HCRTR2: variants seen among roughly 807,000 people sequenced by gnomAD.
The protein encoded by HCRTR2 is orexin receptor type 2.
A neutral mutation model predicts 49.0 loss-of-function variants in HCRTR2; 22 were observed. The observed-to-expected ratio is 0.45, with a 90% CI of 0.32 to 0.64. The LOEUF is 0.64. HCRTR2 is among the 30% of genes least tolerant of loss of function. The probability of loss-of-function intolerance (pLI) is 0.04; values close to 1 mark genes in which losing one functional copy is unlikely to be tolerated. For synonymous variants in HCRTR2, 236 were observed against 205.3 expected, an observed-to-expected ratio of 1.15 and a Z score of -1.28; for missense variants, 491 against 559.4, an observed-to-expected ratio of 0.88 and a Z score of 1.23.
intron 1 of HCRTR2, among the ~76,000 whole-genome samples, chr6:55,159,448 A>G (rs961534055): frequency 6.6e-6 from 1 of 152,176 alleles, no homozygotes; most frequent in African/African-American, 2.4e-5. Context: ...AAGGATCACA[A>G]TTCCTCACCA....
At chr6:55,253,108 T>C (rs1381958069) in intron 2 of HCRTR2, among the ~76,000 whole-genome samples, 1 of 151,976 alleles carries the variant, frequency 6.6e-6, no homozygotes, top group African/African-American at 2.4e-5. Flanking sequence ...CAGACTCGAT[T>C]CCAGCTATAC....
At chr6:55,131,046 G>A (rs975834553) in intron 1 of HCRTR2, among the ~76,000 whole-genome samples, 2 of 151,786 alleles carry the variant, frequency 1.3e-5, no homozygotes, top group African/African-American at 4.8e-5. Flanking sequence ...TTCAGTAAGA[G>A]TGAGGTTGAC....
chr6:55,144,298 T>C (rs557038106), intron 1 of HCRTR2, among the ~76,000 whole-genome samples: 2 of 151,872 alleles, frequency 1.3e-5, no homozygotes, highest in South Asian at 4.1e-4. Context: ...TTTTTTTTAG[T>C]AGGGACGGGG....
intron 1 of HCRTR2, among the ~76,000 whole-genome samples, chr6:55,175,480 A>C (rs1419232072): frequency 6.6e-6 from 1 of 152,032 alleles, no homozygotes; most frequent in East Asian, 1.9e-4. Flanking sequence ...TCATCCATCC[A>C]TCCATTCATT....
chr6:55,136,614 G>A (rs2127250651), intron 1 of HCRTR2, among the ~76,000 whole-genome samples: 1 of 152,110 alleles, frequency 6.6e-6, no homozygotes, highest in South Asian at 2.1e-4. Flanking sequence ...CTTGGTTTTA[G>A]GAAGGAATAA....
intron 1 of HCRTR2, among the ~76,000 whole-genome samples, chr6:55,180,276 A>G (rs765209778): frequency 3.9e-5 from 6 of 152,246 alleles, no homozygotes; most frequent in Non-Finnish European, 5.9e-5. Context: ...TATGGATTTA[A>G]CAAATTCCAT....
At chr6:55,189,276 G>A (rs950866182) in intron 1 of HCRTR2, among the ~76,000 whole-genome samples, 6 of 152,074 alleles carry the variant, frequency 3.9e-5, no homozygotes, top group Non-Finnish European at 5.9e-5. Flanking sequence ...TGGTAAGAAC[G>A]GATTAAAGTT....
Position 55,280,343 on chromosome 6 carries a change from A to T in HCRTR2, c.1004A>T (p.His335Leu). 6.2e-7 allele frequency: 1 copy of T among 1,609,328 alleles called. No individual in the cohort carries two copies. The highest frequency in any genetic ancestry group is 8.5e-7 in the Non-Finnish European group (1 of 1,175,708). ...VLKRVFGMFA[H>L]TEDRETVYAW... ...TGCAGAGTATTTGGGATGTTTGCCC[A>T]TACTGAAGACAGAGAGACTGTGTAT... Residue 335 changes from histidine (H) to leucine (L), a missense_variant, in exon 6 of 7, where the codon CAT (histidine) becomes CTT (leucine). His to Leu is a moderately conservative substitution (Grantham distance 99). Transcript: ENST00000370862.
rs113987396 is a variant in HCRTR2 at position 55,185,399 on chromosome 6, T to A, written c.223+10589T>A. Among the ~76,000 whole-genome samples the A allele has an allele frequency of 2.0e-5, 3 of 152,240 alleles. No homozygotes were observed. The East Asian group carries it at 5.8e-4, about 29-fold the overall frequency. On this transcript the variant is annotated intron_variant, in intron 1 of 6. Transcript: ENST00000370862. ...CTAGTTTATAGACGTATGTGTTATT[T>A]TTTCCCCCAGGCATAATGAACTTTA... is the stretch of plus-strand genomic sequence containing the variant.
At chr6:55,178,696 G>T (rs188793914) in intron 1 of HCRTR2, among the ~76,000 whole-genome samples, 1 of 152,134 alleles carries the variant, frequency 6.6e-6, no homozygotes. Flanking sequence ...TTCCTAAAAG[G>T]TGTGAATAAA....
In HCRTR2 at chr6:55,153,981, G is replaced by A. The variant is rs369573981; in HGVS notation, c.-377-20230G>A. 2.5e-3 allele frequency among the ~76,000 whole-genome samples: 372 copies of A among 151,680 alleles called. 1 individual carries two copies. The highest frequency in any genetic ancestry group is 8.6e-3 in the African/African-American group (355 of 41,450). On this transcript the variant is annotated intron_variant, in intron 1 of 7. Transcript: ENST00000615358. ...ATTGATGTTAACAAAAAGATCATAA[G>A]GTACTATTATGAACAACTATACACC...
In HCRTR2 at chr6:55,248,721, C is replaced by T. The variant is rs759251043; in HGVS notation, c.306C>T (p.Leu102=). The change falls in exon 2 of 7, where the codon CTC becomes CTT. Residue 102 remains leucine, a synonymous_variant. Coordinates refer to ENST00000370862, the MANE Select transcript of HCRTR2 (RefSeq NM_001384272.1). ...TCAATCTTTCTCTGGCTGATGTGCT[C>T]GTGACCATCACCTGCCTTCCAGCCA... ...FIVNLSLADV[L]VTITCLPATL... 5.3e-5 allele frequency: 85 copies of T among 1,613,184 alleles called. No individual in the cohort carries two copies. In the South Asian group the frequency reaches 6.1e-4, roughly 12 times the overall value.
intron 1 of HCRTR2, among the ~76,000 whole-genome samples, chr6:55,221,151 C>T (rs1232247446): frequency 6.6e-6 from 1 of 152,018 alleles, no homozygotes; most frequent in Admixed American, 6.6e-5. Context: ...AGATCCTATA[C>T]AATCTTACCA....
upstream of HCRTR2, among the ~76,000 whole-genome samples, chr6:55,173,862 C>T (rs776595527): frequency 3.1e-4 from 47 of 152,112 alleles, no homozygotes; most frequent in Non-Finnish European, 6.6e-4. Flanking sequence ...CTTAAAGACT[C>T]GGCAAGTACT....
intron 1 of HCRTR2, among the ~76,000 whole-genome samples, chr6:55,214,122 T>C (rs1765744593): frequency 6.6e-6 from 1 of 152,048 alleles, no homozygotes; most frequent in South Asian, 2.1e-4. Context: ...GTACCACAGA[T>C]AGACACCAAA....
At chr6:55,277,630 A>G (rs1767104270) in intron 5 of HCRTR2, 30 bp downstream of exon 5, 1 of 1,488,664 alleles carries the variant, frequency 6.7e-7, no homozygotes, top group Non-Finnish European at 9.4e-7. Flanking sequence ...TGAAAATGAA[A>G]TAGCCTGCCT....
rs112739426 is a variant in HCRTR2 at position 55,193,116 on chromosome 6, TCAAA to T, written c.223+18311_223+18314del. The stretch of plus-strand genomic sequence containing the variant: ...ATGTGTTCACTCATTCATTCCTTCA[TCAAA>T]CAAATATTGAAAGTCTATTAATTGG... On this transcript the variant is annotated intron_variant, in intron 1 of 6. Transcript: ENST00000370862. 2.3e-3 allele frequency among the ~76,000 whole-genome samples: 346 copies of T among 152,278 alleles called. 3 individuals are homozygous for T. Among genetic ancestry groups the T allele is most frequent in the African/African-American group, 7.5e-3 (311 of 41,568 alleles).
intron 1 of HCRTR2, among the ~76,000 whole-genome samples, chr6:55,146,821 T>A (rs9475170): frequency 0.52 from 79,258 of 151,952 alleles, 22,156 homozygotes; most frequent in Middle Eastern, 0.68. Flanking sequence ...ATGTTTCTGC[T>A]TATCTAGCAA....
At chr6:55,208,158 G>A (rs1765634437) in intron 1 of HCRTR2, among the ~76,000 whole-genome samples, 1 of 151,922 alleles carries the variant, frequency 6.6e-6, no homozygotes, top group Non-Finnish European at 1.5e-5. Flanking sequence ...ATTCTTAATT[G>A]TATCTGTAAA....
Sources: allele counts gnomAD v4.1 joint callset (sites outside exome capture counted in the v4.1 genomes callset), GRCh38; gene constraint gnomAD v4.1.1; transcripts MANE v1.5; gene names NCBI Gene and HGNC (gene_info 2026-07-23, HGNC 2026-07-21).